ARHGAP15: variants seen among roughly 807,000 people sequenced by gnomAD.
The protein encoded by ARHGAP15 is Rho GTPase activating protein 15, also known as rho GTPase-activating protein 15.
Under a neutral mutation model 63.7 loss-of-function variants are expected in ARHGAP15, and 51 were observed. The ratio of observed to expected loss-of-function variants is 0.80; its 90% CI spans 0.64 to 1.01. The LOEUF is 1.01. Ranked by LOEUF, ARHGAP15 falls within the 50% of genes least tolerant of loss-of-function variation. ARHGAP15 has a pLI of 0.00. For synonymous variants in ARHGAP15, 191 were observed against 193.8 expected (o/e 0.99, Z 0.12); for missense variants, 560 against 564.6 (o/e 0.99, Z 0.08).
intron 10 of ARHGAP15, among the ~76,000 whole-genome samples, chr2:143,535,139 T>C (rs927557402): frequency 2.6e-5 from 4 of 152,164 alleles, no homozygotes; most frequent in Non-Finnish European, 5.9e-5. Flanking sequence ...TATACTTCTT[T>C]TTTTCTGTGT....
At chr2:143,692,582 T>C (rs962311039) in intron 12 of ARHGAP15, among the ~76,000 whole-genome samples, 1 of 152,148 alleles carries the variant, frequency 6.6e-6, no homozygotes, top group African/African-American at 2.4e-5. Context: ...AGTTGTTTGT[T>C]GCTTGTTATT....
At chr2:143,388,941 GAATT>G (rs930814006) in intron 6 of ARHGAP15, among the ~76,000 whole-genome samples, 2 of 151,804 alleles carry the variant, frequency 1.3e-5, no homozygotes, top group African/African-American at 4.8e-5. Context: ...GTCAAGTGGA[GAATT>G]AATTTTTTTT....
chr2:143,193,756 T>C (rs7595079), intron 2 of ARHGAP15, among the ~76,000 whole-genome samples: 49,511 of 151,914 alleles, frequency 0.33, 8,267 homozygotes, highest in East Asian at 0.46. Flanking sequence ...CATTAAGAAA[T>C]AGTGATATAT....
intron 11 of ARHGAP15, among the ~76,000 whole-genome samples, chr2:143,611,952 A>G (rs562182162): frequency 1.3e-5 from 2 of 152,202 alleles, no homozygotes; most frequent in African/African-American, 4.8e-5. Context: ...TCTGGCCTTC[A>G]TGGTATCTTG....
At chr2:143,240,028 A>G (rs1461718430) in intron 5 of ARHGAP15, among the ~76,000 whole-genome samples, 4 of 141,620 alleles carry the variant, frequency 2.8e-5, no homozygotes, top group South Asian at 2.3e-4. Context: ...AAAACCACAC[A>G]TGCACACATG....
intron 7 of ARHGAP15, among the ~76,000 whole-genome samples, chr2:143,436,375 T>C (rs1032444978): frequency 6.6e-6 from 1 of 152,224 alleles, no homozygotes; most frequent in Non-Finnish European, 1.5e-5. Context: ...TGATACTTAA[T>C]TGCAAGCTTT....
intron 6 of ARHGAP15, among the ~76,000 whole-genome samples, chr2:143,264,773 A>C (rs556804967): frequency 1.5e-4 from 23 of 152,264 alleles, no homozygotes; most frequent in Non-Finnish European, 2.6e-4. Context: ...TGATTTTTAC[A>C]AGAAATGGTG....
At chr2:143,612,295 A>G (rs1698286712) in intron 11 of ARHGAP15, among the ~76,000 whole-genome samples, 1 of 152,180 alleles carries the variant, frequency 6.6e-6, no homozygotes, top group Admixed American at 6.6e-5. Flanking sequence ...ACATGCATCA[A>G]AATCACCTGG....
intron 3 of ARHGAP15, among the ~76,000 whole-genome samples, chr2:143,211,156 T>C (rs1259654610): frequency 2.6e-5 from 4 of 151,986 alleles, no homozygotes; most frequent in Non-Finnish European, 4.4e-5. Context: ...GCAAATCAAA[T>C]ATAGCATGAA....
chr2:143,636,305 T>C (rs1183732659), intron 12 of ARHGAP15, among the ~76,000 whole-genome samples: 1 of 152,222 alleles, frequency 6.6e-6, no homozygotes, highest in Non-Finnish European at 1.5e-5. Context: ...TTGTGTGTAT[T>C]ATTCTCTGAA....
intron 6 of ARHGAP15, among the ~76,000 whole-genome samples, chr2:143,377,313 T>C (rs1297966805): frequency 6.6e-6 from 1 of 152,054 alleles, no homozygotes; most frequent in Non-Finnish European, 1.5e-5. Context: ...TTTAAAAACC[T>C]CTTTCTACAA....
intron 11 of ARHGAP15, among the ~76,000 whole-genome samples, chr2:143,559,578 C>A (rs1695941882): frequency 6.6e-6 from 1 of 152,178 alleles, no homozygotes; most frequent in South Asian, 2.1e-4. Flanking sequence ...TATACCAACC[C>A]CTTTCAAAAT....
chr2:143,764,162 A>G (rs1326276282), intron 13 of ARHGAP15, among the ~76,000 whole-genome samples: 1 of 152,188 alleles, frequency 6.6e-6, no homozygotes, highest in Non-Finnish European at 1.5e-5. Flanking sequence ...GGCAGAATGA[A>G]TATTTTATAT....
At chr2:143,540,939 G>A (rs1381702845) in intron 10 of ARHGAP15, among the ~76,000 whole-genome samples, 3 of 152,106 alleles carry the variant, frequency 2.0e-5, no homozygotes, top group African/African-American at 7.2e-5. Context: ...GCTAGATTGG[G>A]GAAGTTCTCC....
At chr2:143,231,491 C>G (rs1472949887) in intron 5 of ARHGAP15, among the ~76,000 whole-genome samples, 1 of 152,200 alleles carries the variant, frequency 6.6e-6, no homozygotes, top group Non-Finnish European at 1.5e-5. Flanking sequence ...ATTTAGGGCT[C>G]TAGATGTTAA....
chr2:143,266,223 A>G (rs1053465809), intron 6 of ARHGAP15, among the ~76,000 whole-genome samples: 22 of 150,376 alleles, frequency 1.5e-4, no homozygotes, highest in African/African-American at 5.1e-4. Flanking sequence ...ACTTTAAATA[A>G]ATTTTCTCAC....
chr2:143,369,401 C>T (rs1032133503), intron 6 of ARHGAP15, among the ~76,000 whole-genome samples: 2 of 151,984 alleles, frequency 1.3e-5, no homozygotes, highest in African/African-American at 4.8e-5. Context: ...AATATATTTT[C>T]TGCTTTTTCT....
chr2:143,717,339 A>G (rs1684853505), intron 13 of ARHGAP15, among the ~76,000 whole-genome samples: 1 of 152,164 alleles, frequency 6.6e-6, no homozygotes, highest in Non-Finnish European at 1.5e-5. Flanking sequence ...GTAGCTGCCA[A>G]TTCCTTTCAG....
At chr2:143,251,380 A>C (rs909287196) in intron 6 of ARHGAP15, among the ~76,000 whole-genome samples, 2 of 152,010 alleles carry the variant, frequency 1.3e-5, no homozygotes, top group Non-Finnish European at 2.9e-5. Context: ...TTTTAAATTA[A>C]ATGTCTTCTG....
Sources: allele counts gnomAD v4.1 joint callset (sites outside exome capture counted in the v4.1 genomes callset), GRCh38; gene constraint gnomAD v4.1.1; transcripts MANE v1.5; gene names NCBI Gene and HGNC (gene_info 2026-07-23, HGNC 2026-07-21).